Variants in PLEKHA8 observed in about 807,000 individuals in gnomAD.
PLEKHA8 encodes pleckstrin homology domain containing A8.
Under a neutral mutation model 68.2 loss-of-function variants are expected in PLEKHA8, and 36 were observed. The observed-to-expected ratio is 0.53, with a 90% CI of 0.40 to 0.70. PLEKHA8 has a LOEUF of 0.70. PLEKHA8 is among the 30% of genes least tolerant of loss of function. The pLI, the probability that PLEKHA8 is intolerant of heterozygous loss-of-function variation, is 0.00. For synonymous variants in PLEKHA8, 211 were observed against 216.1 expected (o/e 0.98, Z 0.20); for missense variants, 505 against 615.4 (o/e 0.82, Z 1.90).
At chr7:30,073,563 TAAAAAAAA>T (rs35738941) in intron 12 of PLEKHA8, among the ~76,000 whole-genome samples, 15 of 111,776 alleles carry the variant, frequency 1.3e-4, no homozygotes, top group African/African-American at 3.6e-4. Flanking sequence ...TTGTGTTTCT[TAAAAAAAA>T]AAAAAAAAAA....
intron 1 of PLEKHA8, among the ~76,000 whole-genome samples, chr7:30,040,382 C>T (rs1318562287): frequency 6.6e-6 from 1 of 152,190 alleles, no homozygotes; most frequent in Non-Finnish European, 1.5e-5. Context: ...TGGCAAACTG[C>T]TGCAGGCAGC....
Position 30,061,953 on chromosome 7 carries a change from A to G in PLEKHA8, c.1155A>G (p.Ile385Met), listed in dbSNP as rs765347961. 6 of 1,614,150 alleles carry G rather than the reference A, an allele frequency of 3.7e-6. No individual in the cohort carries two copies. The South Asian group carries it at 5.5e-5, about 15-fold the overall frequency. Residue 385 changes from isoleucine to methionine, a missense_variant, in exon 11 of 14, where the codon ATA becomes ATG. Coordinates refer to ENST00000449726, the MANE Select transcript of PLEKHA8 (RefSeq NM_001197026.2). ...AAGAGTTTACCACTCTCCAGAAGAT[A>G]GTGCTGCACGAAGTGGAGGCGGATG... ...NKEEFTTLQK[I>M]VLHEVEADVA...
rs190232507 is a variant in PLEKHA8 at position 30,042,301 on chromosome 7, C to G, written c.41-2784C>G. 4.6e-5 allele frequency among the ~76,000 whole-genome samples: 7 copies of G among 152,248 alleles called. No homozygotes were observed. In the East Asian group the frequency reaches 1.3e-3, roughly 29 times the overall value. On this transcript the variant is annotated intron_variant, in intron 1 of 13. Coordinates refer to ENST00000449726, the MANE Select transcript of PLEKHA8 (RefSeq NM_001197026.2). ...AAAATTTCATTACATGCACACATACCCACTCACACACCCTTATAATATCTT... is the reference window on the plus strand; with the variant it reads ...AAAATTTCATTACATGCACACATACGCACTCACACACCCTTATAATATCTT...
In PLEKHA8 at chr7:30,080,991, CTG is replaced by C. The variant is rs1794905184; in HGVS notation, c.*2207_*2208del. The C allele has an allele frequency of 2.0e-6, 2 of 985,356 alleles. No homozygotes were observed. Among genetic ancestry groups the C allele is most frequent in the African/African-American group, 1.7e-5 (1 of 57,344 alleles). 61.0% of individuals were successfully genotyped at this position (985,356 alleles called of 1,614,324 possible). On this transcript the variant is annotated 3_prime_UTR_variant, in exon 14 of 14. Transcript: ENST00000449726. The stretch of plus-strand genomic sequence containing the variant: ...TGCTCCCTGTCACCTCAGGTGAACT[CTG>C]TGGTCTCTTGGAGAGGTAGCACTCT...
rs574683643 is a variant in PLEKHA8, at chr7:30,115,924, A to G, written c.1363-13342A>G. 2.3e-4 allele frequency: 26 copies of G among 114,580 alleles called. 2 individuals carry two copies. In the East Asian group the frequency reaches 2.7e-3, roughly 12 times the overall value. The allele number at this position is 114,580 out of a possible 1,614,324, so 7.1% of individuals were successfully genotyped here. On this transcript the variant is annotated intron_variant, in intron 13 of 13. Transcript: ENST00000396257. ...CATGTATACATGCATGCGTGCGTGT[A>G]CATACATGTATACATGCACACATAC...
intron 13 of PLEKHA8, among the ~76,000 whole-genome samples, chr7:30,118,953 A>G (rs1796651470): frequency 6.6e-6 from 1 of 152,132 alleles, no homozygotes; most frequent in South Asian, 2.1e-4. Flanking sequence ...CTCATTCCCA[A>G]ATTCTTGTAC....
chr7:30,112,255 A>G (rs1796296624), intron 13 of PLEKHA8, among the ~76,000 whole-genome samples: 1 of 152,196 alleles, frequency 6.6e-6, no homozygotes, highest in South Asian at 2.1e-4. Flanking sequence ...AGTATGGGGT[A>G]GACAAAAATA....
At chr7:30,124,886 GT>G (rs1010361009) in intron 13 of PLEKHA8, among the ~76,000 whole-genome samples, 49 of 148,368 alleles carry the variant, frequency 3.3e-4, no homozygotes, top group African/African-American at 1.2e-3. Context: ...GTTCTGATAA[GT>G]TTTTTTTTTA....
At chr7:30,074,348 C>A (rs898665790) in intron 13 of PLEKHA8, among the ~76,000 whole-genome samples, 5 of 151,434 alleles carry the variant, frequency 3.3e-5, no homozygotes, top group Admixed American at 1.3e-4. Flanking sequence ...CGTTTATAGG[C>A]CTTTGGTGTG....
chr7:30,080,315 G>A lies in PLEKHA8; in HGVS notation c.*1528G>A. 1.0e-6 allele frequency: 1 copy of A among 985,386 alleles called. No homozygotes were observed. The highest frequency in any genetic ancestry group is 1.1e-4 in the East Asian group (1 of 8,800). 61.0% of individuals were successfully genotyped at this position (985,386 alleles called of 1,614,324 possible). On this transcript the variant is annotated 3_prime_UTR_variant, in exon 14 of 14. Transcript: ENST00000449726. ...CATGCTGCCTCGAGTGTGCATCGGA[G>A]AGAAGCCATGGGTACCTTCCCCATT...
intron 13 of PLEKHA8, among the ~76,000 whole-genome samples, chr7:30,118,799 G>A (rs1371238910): frequency 6.6e-6 from 1 of 151,752 alleles, no homozygotes; most frequent in South Asian, 2.1e-4. Flanking sequence ...GGATGATCTC[G>A]ATCTCCAGAC....
At chr7:30,129,617 G>C (rs924462149), downstream of PLEKHA8, 1 of 354,978 alleles carries the variant, frequency 2.8e-6, no homozygotes, top group African/African-American at 2.0e-5. Context: ...ACTGCTATAA[G>C]AACTTTGGGT....
chr7:30,086,162 T>C (rs1297709122), downstream of PLEKHA8, among the ~76,000 whole-genome samples: 1 of 152,158 alleles, frequency 6.6e-6, no homozygotes, highest in African/African-American at 2.4e-5. Flanking sequence ...AAATGAGATA[T>C]GTTGAGGAAT....
chr7:30,115,689 C>CACATACATGT (rs879486336), intron 13 of PLEKHA8, among the ~76,000 whole-genome samples: 64 of 149,558 alleles, frequency 4.3e-4, no homozygotes, highest in South Asian at 1.5e-3. Flanking sequence ...CACATACATG[C>CACATACATGT]ATACACGTAT....
chr7:30,056,310 CTCTATA>C lies in PLEKHA8; in HGVS notation c.1039+970_1039+975del, dbSNP rs1488135493. ...TCTCTCTCTCTCTCTCTCTCTCTCTCTCTATATATATATATATATATAAATAACATA... is the reference window on the plus strand; with the variant it reads ...TCTCTCTCTCTCTCTCTCTCTCTCTCTATATATATATATATAAATAACATA... On this transcript the variant is annotated intron_variant, in intron 9 of 13. Transcript: ENST00000449726. Among the ~76,000 whole-genome samples, 30 of 72,188 alleles carry C rather than the reference CTCTATA, an allele frequency of 4.2e-4. 1 individual carries two copies. Among genetic ancestry groups the C allele is most frequent in the East Asian group, 1.7e-3 (3 of 1,806 alleles). The allele number at this position is 72,188 out of a possible 152,430, so 47.4% of individuals were successfully genotyped here. A position where few individuals can be genotyped will look rare whatever the true frequency, so the allele number is the denominator to read the frequency against.
chr7:30,056,742 AGTGTGTGTGTGTGTGTGTGTGTGTG>A (rs1792988743), intron 9 of PLEKHA8, among the ~76,000 whole-genome samples: 1 of 74,784 alleles, frequency 1.3e-5, no homozygotes, highest in African/African-American at 5.2e-5. Flanking sequence ...AAAAAAAAAA[AGTGTGTGTGTGTGTGTGTGTGTGTG>A]TGTGTGTGTG....
chr7:30,050,670 T>C (rs1792335655), intron 6 of PLEKHA8, 196 bp downstream of exon 6: 1 of 605,554 alleles, frequency 1.7e-6, no homozygotes, highest in Non-Finnish European at 2.5e-6. Context: ...TTAGCACTAA[T>C]AGGGAAGATG....
rs1169960126 is a variant in PLEKHA8 at position 30,028,795 on chromosome 7, T to C, written c.33T>C (p.Tyr11=). The C allele has an allele frequency of 5.5e-6, 7 of 1,272,018 alleles. No individual in the cohort carries two copies. The highest frequency in any genetic ancestry group is 7.6e-5 in the South Asian group (2 of 26,286). The allele number at this position is 1,272,018 out of a possible 1,614,324, so 78.8% of individuals were successfully genotyped here. Residue 11 remains tyrosine (Y), a synonymous_variant, in exon 1 of 14, where the codon TAT becomes TAC. Transcript: ENST00000449726. ...GGGTGCTGTACAAGTGGACCAACTA[T>C]CTGAGCGGTGAGTGGCCGTGCCGGG... is the stretch of plus-strand genomic sequence containing the variant. MEGVLYKWTN[Y]LSGWQPRWFL...
intron 1 of PLEKHA8, among the ~76,000 whole-genome samples, chr7:30,044,418 T>G (rs1464463370): frequency 6.6e-6 from 1 of 152,222 alleles, no homozygotes; most frequent in Non-Finnish European, 1.5e-5. Context: ...ATAAGATGCG[T>G]ATTTCTACTA....
Sources: allele counts gnomAD v4.1 joint callset (sites outside exome capture counted in the v4.1 genomes callset), GRCh38; gene constraint gnomAD v4.1.1; transcripts MANE v1.5; gene names NCBI Gene and HGNC (gene_info 2026-07-23, HGNC 2026-07-21).